The following SSPN variants were observed in gnomAD, a reference collection of about 807,000 sequenced individuals.
The protein encoded by SSPN is sarcospan.
In SSPN, 15 loss-of-function variants were observed where a neutral mutation model predicts 19.1. The observed-to-expected ratio is 0.78, with a 90% CI of 0.52 to 1.21. The LOEUF (loss-of-function observed/expected upper bound fraction) is 1.21, where lower values mean the gene tolerates loss of function less well. Ranked by LOEUF, SSPN falls within the 50% of genes most tolerant of loss-of-function variation. The pLI, the probability that SSPN is intolerant of heterozygous loss-of-function variation, is 0.00. For synonymous variants in SSPN, 147 were observed against 140.3 expected, an observed-to-expected ratio of 1.05 and a Z score of -0.34; for missense variants, 291 against 314.0, an observed-to-expected ratio of 0.93 and a Z score of 0.55.
chr12:26,122,938 G>A (rs1196261840), intron 1 of SSPN: 2 of 1,553,066 alleles, frequency 1.3e-6, no homozygotes, highest in South Asian at 1.2e-5. Flanking sequence ...GCGGCCGAGG[G>A]AGCGCCGGTG....
At chr12:26,139,530 C>A (rs1944447109) in intron 1 of SSPN, among the ~76,000 whole-genome samples, 1 of 152,100 alleles carries the variant, frequency 6.6e-6, no homozygotes, top group South Asian at 2.1e-4. Context: ...TTTTTTGAGT[C>A]CAACAATTGG....
intron 1 of SSPN, among the ~76,000 whole-genome samples, chr12:26,177,870 T>C (rs1944694249): frequency 1.3e-5 from 2 of 152,202 alleles, no homozygotes; most frequent in African/African-American, 4.8e-5. Context: ...ACGTGTATCA[T>C]GACTGCTCAT....
At chr12:26,155,827 G>GAGCCCTGTTGTT (rs1263814245) in intron 1 of SSPN, among the ~76,000 whole-genome samples, 5 of 152,180 alleles carry the variant, frequency 3.3e-5, no homozygotes, top group Non-Finnish European at 7.3e-5. Flanking sequence ...CCTGTGCGGT[G>GAGCCCTGTTGTT]AGCCCTGTTG....
intron 1 of SSPN, among the ~76,000 whole-genome samples, chr12:26,148,600 TA>T (rs1460115657): frequency 6.6e-6 from 1 of 152,218 alleles, no homozygotes; most frequent in Non-Finnish European, 1.5e-5. Context: ...CATTCTATAA[TA>T]TTTTAACCCA....
intron 1 of SSPN, among the ~76,000 whole-genome samples, chr12:26,200,954 T>C (rs1591876831): frequency 7.1e-6 from 1 of 141,584 alleles, no homozygotes; most frequent in South Asian, 2.2e-4. Flanking sequence ...GAAGTTCTCA[T>C]AGTAAGTATA....
intron 1 of SSPN, among the ~76,000 whole-genome samples, chr12:26,210,688 A>G (rs1306048865): frequency 6.6e-6 from 1 of 152,136 alleles, no homozygotes; most frequent in Non-Finnish European, 1.5e-5. Context: ...TTGAGACAGA[A>G]CAATTTTCTT....
At chr12:26,175,976 A>G (rs982864800) in intron 1 of SSPN, among the ~76,000 whole-genome samples, 1 of 151,996 alleles carries the variant, frequency 6.6e-6, no homozygotes, top group Non-Finnish European at 1.5e-5. Flanking sequence ...AGCCGATATT[A>G]CAGACATATG....
At chr12:26,170,642 C>G (rs1029187430) in intron 1 of SSPN, among the ~76,000 whole-genome samples, 3 of 152,106 alleles carry the variant, frequency 2.0e-5, no homozygotes, top group African/African-American at 2.4e-5. Flanking sequence ...TAATTTTTCC[C>G]TGTGGTATAT....
upstream of SSPN, among the ~76,000 whole-genome samples, chr12:26,194,127 T>C (rs1944805707): frequency 6.6e-6 from 1 of 152,204 alleles, no homozygotes; most frequent in Non-Finnish European, 1.5e-5. Context: ...AAAGGAGATA[T>C]AAATACCCCC....
chr12:26,137,005 A>C (rs1250039672), intron 1 of SSPN, among the ~76,000 whole-genome samples: 1 of 152,204 alleles, frequency 6.6e-6, no homozygotes, highest in Non-Finnish European at 1.5e-5. Flanking sequence ...CATGGGAGGC[A>C]TCTTGACTTA....
At chr12:26,162,925 G>A (rs1944597817) in intron 1 of SSPN, among the ~76,000 whole-genome samples, 1 of 152,136 alleles carries the variant, frequency 6.6e-6, no homozygotes, top group South Asian at 2.1e-4. Context: ...CCCAAATTAA[G>A]TTGATGAATT....
upstream of SSPN, among the ~76,000 whole-genome samples, chr12:26,194,896 G>C (rs532929054): frequency 7.2e-4 from 110 of 152,316 alleles, no homozygotes; most frequent in African/African-American, 2.6e-3. Context: ...AGACTGAGGA[G>C]AGAGAAGCTG....
intron 1 of SSPN, among the ~76,000 whole-genome samples, chr12:26,201,526 CAGCCTTCTACTA>C (rs1944885486): frequency 6.6e-6 from 1 of 151,842 alleles, no homozygotes; most frequent in Admixed American, 6.6e-5. Context: ...CCTCTACTTA[CAGCCTTCTACTA>C]AGCCTGATGT....
intron 1 of SSPN, among the ~76,000 whole-genome samples, chr12:26,176,865 C>T (rs1944687282): frequency 6.6e-6 from 1 of 152,164 alleles, no homozygotes; most frequent in South Asian, 2.1e-4. Flanking sequence ...ATGTACCTGC[C>T]TCCGTTCTCT....
chr12:26,232,534 C>T lies in SSPN; in HGVS notation c.*1458C>T. ...AGTTCAATTCGCCTCTCCGCATTGC[C>T]TATTGATACACTTTACTAATCATGA... is the stretch of plus-strand genomic sequence containing the variant. On this transcript the variant is annotated 3_prime_UTR_variant, in exon 3 of 3. Coordinates refer to ENST00000242729, the MANE Select transcript of SSPN (RefSeq NM_005086.5). The T allele has an allele frequency of 1.0e-6, 1 of 985,338 alleles. No homozygotes were observed. The highest frequency in any genetic ancestry group is 1.2e-6 in the Non-Finnish European group (1 of 829,886). 61.0% of individuals were successfully genotyped at this position (985,338 alleles called of 1,614,324 possible). A position where few individuals can be genotyped will look rare whatever the true frequency, so the allele number is the denominator to read the frequency against.
At chr12:26,222,829 G>A (rs1945136494) in intron 1 of SSPN, among the ~76,000 whole-genome samples, 1 of 152,142 alleles carries the variant, frequency 6.6e-6, no homozygotes, top group Admixed American at 6.6e-5. Flanking sequence ...CTTTCAGCAG[G>A]CATGTCCACC....
At chr12:26,181,318 G>A (rs564081435) in intron 1 of SSPN, 14 of 152,070 alleles carry the variant, frequency 9.2e-5, no homozygotes, top group South Asian at 2.1e-4. Context: ...AGAATTCTGC[G>A]TTTTCTTCTC....
chr12:26,211,863 AT>A (rs752975151), intron 1 of SSPN, among the ~76,000 whole-genome samples: 1 of 152,198 alleles, frequency 6.6e-6, no homozygotes, highest in Non-Finnish European at 1.5e-5. Context: ...AATTCTAGTT[AT>A]CAAGTAGTTT....
At chr12:26,156,808 C>T (rs1435334307) in intron 1 of SSPN, among the ~76,000 whole-genome samples, 6 of 152,146 alleles carry the variant, frequency 3.9e-5, no homozygotes, top group South Asian at 2.1e-4. Context: ...CATAGCTGGA[C>T]GTGAAAAACA....
Sources: gnomAD v4.1 joint callset for allele counts (sites outside exome capture counted in the v4.1 genomes callset) on GRCh38, gnomAD v4.1.1 for gene constraint, MANE v1.5 for transcripts, NCBI Gene and HGNC (gene_info 2026-07-23, HGNC 2026-07-21) for gene names.